Variants in FSTL5 observed in about 807,000 individuals in gnomAD.
The protein encoded by FSTL5 is follistatin like 5.
Under a neutral mutation model 89.1 loss-of-function variants are expected in FSTL5, and 62 were observed. The observed-to-expected ratio is 0.70, with a 90% CI of 0.57 to 0.86. The LOEUF is 0.86. Ranked by LOEUF, FSTL5 falls within the 40% of genes least tolerant of loss-of-function variation. The probability of loss-of-function intolerance (pLI) is 0.00; values close to 1 mark genes in which losing one functional copy is unlikely to be tolerated. For missense variants in FSTL5, 1,057 were observed against 1,001.6 expected, an observed-to-expected ratio of 1.06 and a Z score of -0.75; for synonymous variants, 383 against 346.2, an observed-to-expected ratio of 1.11 and a Z score of -1.18.
chr4:161,758,784 C>T (rs1029600955), intron 6 of FSTL5, among the ~76,000 whole-genome samples: 3 of 152,142 alleles, frequency 2.0e-5, no homozygotes, highest in Non-Finnish European at 4.4e-5. Flanking sequence ...TCCCAAAGTG[C>T]CGGGATTACA....
At chr4:161,818,739 T>G (rs1730405386) in intron 4 of FSTL5, among the ~76,000 whole-genome samples, 1 of 152,224 alleles carries the variant, frequency 6.6e-6, no homozygotes, top group Non-Finnish European at 1.5e-5. Flanking sequence ...TTCTATAACT[T>G]AATGTATTTT....
chr4:161,692,157 G>C (rs1737963855), intron 6 of FSTL5, among the ~76,000 whole-genome samples: 1 of 151,758 alleles, frequency 6.6e-6, no homozygotes, highest in African/African-American at 2.4e-5. Context: ...TCTCTTTTCT[G>C]ACATTAGGAG....
intron 2 of FSTL5, among the ~76,000 whole-genome samples, chr4:162,052,565 A>C (rs1234347054): frequency 6.6e-6 from 1 of 151,708 alleles, no homozygotes; most frequent in Non-Finnish European, 1.5e-5. Flanking sequence ...AAGTTCCCTA[A>C]GGGATCCAGA....
chr4:162,065,800 A>C (rs1461516408), intron 2 of FSTL5, among the ~76,000 whole-genome samples: 1 of 152,074 alleles, frequency 6.6e-6, no homozygotes, highest in East Asian at 1.9e-4. Flanking sequence ...GCCAAAGTAT[A>C]AAAATTACCC....
At chr4:161,504,460 A>G (rs1191447961) in intron 11 of FSTL5, among the ~76,000 whole-genome samples, 1 of 149,216 alleles carries the variant, frequency 6.7e-6, no homozygotes, top group Non-Finnish European at 1.5e-5. Flanking sequence ...GAACATGTGC[A>G]GATTGTTTTT....
intron 3 of FSTL5, among the ~76,000 whole-genome samples, chr4:162,017,330 A>T (rs1736942863): frequency 6.6e-6 from 1 of 152,188 alleles, no homozygotes; most frequent in South Asian, 2.1e-4. Context: ...GTTTTTTCAG[A>T]TAAATTATTT....
At position 161,559,313 on chromosome 4, in the gene FSTL5, C is replaced by G. The variant is rs181685409; in HGVS notation, c.1016-16620G>C. On this transcript the variant is annotated intron_variant, in intron 8 of 15. Coordinates refer to ENST00000306100, the MANE Select transcript of FSTL5 (RefSeq NM_020116.5). ...ATGACTCCTAAAATAACTGCTGTTT[C>G]CTTCTATTTCCTTCCATCCTCCTCC... Among the ~76,000 whole-genome samples, 5 of 151,634 alleles carry G rather than the reference C, an allele frequency of 3.3e-5. No homozygotes were observed. In the East Asian group the frequency reaches 7.8e-4, roughly 24 times the overall value.
intron 2 of FSTL5, among the ~76,000 whole-genome samples, chr4:162,109,313 C>G (rs1441863020): frequency 6.6e-6 from 1 of 151,982 alleles, no homozygotes; most frequent in African/African-American, 2.4e-5. Context: ...GGGACTTGTA[C>G]AACCCAGGAT....
At chr4:161,997,033 T>C (rs1736315376) in intron 3 of FSTL5, among the ~76,000 whole-genome samples, 1 of 152,162 alleles carries the variant, frequency 6.6e-6, no homozygotes, top group Non-Finnish European at 1.5e-5. Context: ...AATTAGATCT[T>C]CCATGGGATG....
At chr4:161,463,114 G>A (rs935547742) in intron 13 of FSTL5, among the ~76,000 whole-genome samples, 1 of 152,084 alleles carries the variant, frequency 6.6e-6, no homozygotes, top group Non-Finnish European at 1.5e-5. Flanking sequence ...AGCAGTTCAT[G>A]ATGAACTGCC....
chr4:162,031,688 A>T (rs1301076350), intron 3 of FSTL5, among the ~76,000 whole-genome samples: 2 of 152,174 alleles, frequency 1.3e-5, no homozygotes, highest in African/African-American at 4.8e-5. Flanking sequence ...CTGTAATCCC[A>T]GCACTTTAGG....
intron 9 of FSTL5, among the ~76,000 whole-genome samples, 172 bp from the exon 10 acceptor site, chr4:161,538,472 T>C (rs753973846): frequency 6.6e-6 from 1 of 152,208 alleles, no homozygotes; most frequent in Non-Finnish European, 1.5e-5. Context: ...CAAATGTTCA[T>C]AAACTGTGCT....
intron 2 of FSTL5, among the ~76,000 whole-genome samples, chr4:162,038,505 A>G (rs771012096): frequency 7.9e-5 from 12 of 151,924 alleles, no homozygotes; most frequent in Non-Finnish European, 1.3e-4. Context: ...TCAAATTGGG[A>G]TACACAGTAG....
At chr4:161,618,900 G>A (rs899098745) in intron 7 of FSTL5, among the ~76,000 whole-genome samples, 3 of 152,128 alleles carry the variant, frequency 2.0e-5, no homozygotes, top group African/African-American at 7.2e-5. Flanking sequence ...TAAGCCAAAA[G>A]AACAAAGCTG....
At chr4:161,690,553 T>G (rs1358496692) in intron 6 of FSTL5, among the ~76,000 whole-genome samples, 1 of 152,158 alleles carries the variant, frequency 6.6e-6, no homozygotes, top group Non-Finnish European at 1.5e-5. Flanking sequence ...CTTTGTGTAT[T>G]CTAGACACAA....
chr4:161,585,369 G>A (rs1733572543), intron 8 of FSTL5, among the ~76,000 whole-genome samples: 1 of 152,120 alleles, frequency 6.6e-6, no homozygotes, highest in Admixed American at 6.6e-5. Flanking sequence ...CAAATTTCAA[G>A]TCAGAATTCC....
intron 15 of FSTL5, among the ~76,000 whole-genome samples, chr4:161,444,207 G>A (rs1171036228): frequency 6.6e-6 from 1 of 151,836 alleles, no homozygotes; most frequent in Non-Finnish European, 1.5e-5. Flanking sequence ...GAGGCAAGGG[G>A]CCTCAGCTTA....
intron 3 of FSTL5, among the ~76,000 whole-genome samples, chr4:161,941,040 C>T (rs1049368769): frequency 1.3e-5 from 2 of 151,512 alleles, no homozygotes; most frequent in African/African-American, 4.8e-5. Context: ...TGAAGCTGTA[C>T]GAAAAAGTGT....
chr4:161,926,394 GTTTT>G (rs767720876), intron 3 of FSTL5, among the ~76,000 whole-genome samples: 1 of 26,432 alleles, frequency 3.8e-5, no homozygotes, highest in African/African-American at 1.3e-4. Context: ...ACAGAAGAAG[GTTTT>G]TTTTTTTTGT....
Sources: allele counts gnomAD v4.1 joint callset (sites outside exome capture counted in the v4.1 genomes callset), GRCh38; gene constraint gnomAD v4.1.1; transcripts MANE v1.5; gene names NCBI Gene and HGNC (gene_info 2026-07-23, HGNC 2026-07-21).